Variants in VPS4A observed in about 807,000 individuals in gnomAD.
The protein encoded by VPS4A is vacuolar protein sorting-associated protein 4A.
Under a neutral mutation model 52.3 loss-of-function variants are expected in VPS4A, and 20 were observed. The observed-to-expected ratio is 0.38, with a 90% CI of 0.27 to 0.56. VPS4A has a LOEUF of 0.56. VPS4A is among the 20% of genes least tolerant of loss of function. VPS4A has a pLI of 0.72. For synonymous variants in VPS4A, 293 were observed against 227.7 expected, an observed-to-expected ratio of 1.29 and a Z score of -2.58; for missense variants, 419 against 575.9, an observed-to-expected ratio of 0.73 and a Z score of 2.79.
At chr16:69,316,545 G>A (rs544352559) in intron 3 of VPS4A, among the ~76,000 whole-genome samples, 173 bp downstream of exon 3, 4 of 152,238 alleles carry the variant, frequency 2.6e-5, no homozygotes, top group East Asian at 3.9e-4. Flanking sequence ...CATGTTCACC[G>A]TCTCATTGGA....
rs1227383467 is a variant in VPS4A at position 69,311,464 on chromosome 16, G to A, written c.-48G>A. Reference sequence around the variant, plus strand: ...TACCTCGGCTCCCCGGGGCCGGACCGAGGCCGCAAGCAGCGCCGCGGGGTG... The same window carrying A: ...TACCTCGGCTCCCCGGGGCCGGACCAAGGCCGCAAGCAGCGCCGCGGGGTG... On this transcript the variant is annotated 5_prime_UTR_variant, in exon 1 of 11. Transcript: ENST00000254950. 1 of 1,283,916 alleles carries A rather than the reference G, an allele frequency of 7.8e-7. No homozygotes were observed. The highest frequency in any genetic ancestry group is 1.0e-6 in the Non-Finnish European group (1 of 1,004,780). The allele number at this position is 1,283,916 out of a possible 1,614,324, so 79.5% of individuals were successfully genotyped here. A position where few individuals can be genotyped will look rare whatever the true frequency, so the allele number is the denominator to read the frequency against.
chr16:69,320,822 A>G lies in VPS4A; in HGVS notation c.851+53A>G. On this transcript the variant is annotated intron_variant, in intron 8 of 10. Coordinates refer to ENST00000254950, the MANE Select transcript of VPS4A (RefSeq NM_013245.3). This position sits in a 1 kb window ranked among gnomAD's most constrained non-coding sequence, Gnocchi z 4.2. Reference sequence around the variant, plus strand: ...CTGGAGGCTTCCTCCCACCATGGTCACGGTCCGCCTGCTGCTGGCAGCCCG... The same window carrying G: ...CTGGAGGCTTCCTCCCACCATGGTCGCGGTCCGCCTGCTGCTGGCAGCCCG... The G allele has an allele frequency of 6.5e-7, 1 of 1,536,002 alleles. No individual in the cohort carries two copies. Among genetic ancestry groups the G allele is most frequent in the Non-Finnish European group, 8.9e-7 (1 of 1,129,616 alleles).
chr16:69,315,077 T>TA (rs1250607926), intron 1 of VPS4A, among the ~76,000 whole-genome samples: 7 of 151,960 alleles, frequency 4.6e-5, no homozygotes, highest in Admixed American at 3.9e-4. Flanking sequence ...GCACTAAAAA[T>TA]ACAAAAATTA....
rs562638275 is a variant in VPS4A, at chr16:69,321,533, G to A, written c.1071+263G>A. On this transcript the variant is annotated intron_variant, in intron 9 of 10. Coordinates refer to ENST00000254950, the MANE Select transcript of VPS4A (RefSeq NM_013245.3). The surrounding 1 kb of genome is among the most constrained non-coding windows in gnomAD (Gnocchi z 4.5). ...TCTTAACCCTGCTGCGGCCTCCTCC[G>A]TCAGCACTGTGTGCTCTTGTGCGGG... 1.6e-5 allele frequency: 8 copies of A among 513,114 alleles called. No individual in the cohort carries two copies. The highest frequency in any genetic ancestry group is 3.8e-5 in the African/African-American group (2 of 52,256). The allele number at this position is 513,114 out of a possible 1,614,324, so 31.8% of individuals were successfully genotyped here.
chr16:69,312,184 G>GT lies in VPS4A; in HGVS notation c.21+663dup, dbSNP rs66469930. Among the ~76,000 whole-genome samples the GT allele has an allele frequency of 6.2e-4, 93 of 149,694 alleles. 2 individuals carry two copies. The highest frequency in any genetic ancestry group is 3.7e-3 in the Admixed American group (56 of 15,062). On this transcript the variant is annotated intron_variant, in intron 1 of 10. Transcript: ENST00000254950. ...CTCACCAGCAAGTGACCTTGGGCTA[G>GT]TTTTTTTTTTTCATCTTCGGGTCTC...
At position 69,319,873 on chromosome 16, in the gene VPS4A, C is replaced by T. The variant is rs190783704; in HGVS notation, c.621-268C>T. On this transcript the variant is annotated intron_variant, in intron 6 of 10. Transcript: ENST00000254950. ...TGTTTTGCGTGTGATGAGACGGGCT[C>T]GGAAGAAGGGGACTGACGTGTTGTA... is the stretch of plus-strand genomic sequence containing the variant. 9.2e-5 allele frequency among the ~76,000 whole-genome samples: 14 copies of T among 152,218 alleles called. No homozygotes were observed. In the East Asian group the frequency reaches 2.5e-3, roughly 27 times the overall value.
chr16:69,319,891 G>A (rs555320998), intron 6 of VPS4A, among the ~76,000 whole-genome samples: 4 of 152,304 alleles, frequency 2.6e-5, no homozygotes, highest in East Asian at 1.9e-4. Context: ...GGGGACTGAC[G>A]TGTTGTAAGT....
At chr16:69,312,283 G>T (rs1247896259) in intron 1 of VPS4A, among the ~76,000 whole-genome samples, 1 of 152,078 alleles carries the variant, frequency 6.6e-6, no homozygotes, top group Non-Finnish European at 1.5e-5. Context: ...GAATAATTAC[G>T]GTAAAGCATT....
chr16:69,318,211 G>A (rs1368493424), intron 3 of VPS4A, among the ~76,000 whole-genome samples: 2 of 152,114 alleles, frequency 1.3e-5, no homozygotes, highest in African/African-American at 2.4e-5. Context: ...GGGCTCAAGC[G>A]ATCCTCCCGC....
Position 69,321,454 on chromosome 16 carries a change from T to C in VPS4A, c.1071+184T>C, listed in dbSNP as rs1965510748. ...CACTGTCCCCTCCCTGCAGCTCTTC[T>C]GGAGTGTGGCCATCTCAGGGTGTGT... On this transcript the variant is annotated intron_variant, in intron 9 of 10. Coordinates refer to ENST00000254950, the MANE Select transcript of VPS4A (RefSeq NM_013245.3). This position sits in a 1 kb window ranked among gnomAD's most constrained non-coding sequence, Gnocchi z 4.5. The C allele has an allele frequency of 1.5e-6, 1 of 657,458 alleles. No homozygotes were observed. Among genetic ancestry groups the C allele is most frequent in the African/African-American group, 1.8e-5 (1 of 54,972 alleles). The allele number at this position is 657,458 out of a possible 1,614,324, so 40.7% of individuals were successfully genotyped here. A position where few individuals can be genotyped will look rare whatever the true frequency, so the allele number is the denominator to read the frequency against.
rs986196600 is a variant in VPS4A, at chr16:69,320,918, C to G, written c.852-133C>G. The G allele has an allele frequency of 9.7e-6, 12 of 1,234,962 alleles. No individual in the cohort carries two copies. In the East Asian group the frequency reaches 2.8e-4, roughly 29 times the overall value. The allele number at this position is 1,234,962 out of a possible 1,614,324, so 76.5% of individuals were successfully genotyped here. The stretch of plus-strand genomic sequence containing the variant: ...CAAGCAGAGCCCTTTGTGAGGCTGG[C>G]TTGTTGAGGATGTGCCGCCAGCATC... On this transcript the variant is annotated intron_variant, in intron 8 of 10. Coordinates refer to ENST00000254950, the MANE Select transcript of VPS4A (RefSeq NM_013245.3). The surrounding 1 kb of genome is among the most constrained non-coding windows in gnomAD (Gnocchi z 4.2).
chr16:69,315,517 G>T (rs534775394), intron 1 of VPS4A, among the ~76,000 whole-genome samples: 13 of 152,350 alleles, frequency 8.5e-5, no homozygotes, highest in Admixed American at 5.9e-4. Context: ...AGGCCTTTCA[G>T]TGTATCCTGT....
chr16:69,320,118 C>T lies in VPS4A; in HGVS notation c.621-23C>T, dbSNP rs754552383. Reference sequence around the variant, plus strand: ...GGCACGGACGTGAACGTCTTGTCCTCACCCCCTTTCTCACCTTCACAGGCT... The same window carrying T: ...GGCACGGACGTGAACGTCTTGTCCTTACCCCCTTTCTCACCTTCACAGGCT... On this transcript the variant is annotated intron_variant, in intron 6 of 10. Transcript: ENST00000254950. This position sits in a 1 kb window ranked among gnomAD's most constrained non-coding sequence, Gnocchi z 4.2. The T allele has an allele frequency of 4.3e-5, 69 of 1,607,408 alleles. No individual in the cohort carries two copies. The highest frequency in any genetic ancestry group is 5.9e-5 in the Non-Finnish European group (69 of 1,174,874).
chr16:69,316,578 G>GA (rs1052354668), intron 3 of VPS4A, among the ~76,000 whole-genome samples: 5 of 152,206 alleles, frequency 3.3e-5, no homozygotes, highest in Non-Finnish European at 2.9e-5. Flanking sequence ...GCCATGGGGA[G>GA]AGGGGGAGCT....
In VPS4A at chr16:69,321,125, G is replaced by A. The variant is rs377128919; in HGVS notation, c.926G>A (p.Ser309Asn). 8 of 1,594,050 alleles carry A rather than the reference G, an allele frequency of 5.0e-6. No individual in the cohort carries two copies. In the African/African-American group the frequency reaches 1.1e-4, roughly 21 times the overall value. The change falls in exon 9 of 11, where the codon AGC (serine) becomes AAC (asparagine). Residue 309 changes from serine (S) to asparagine (N), a missense_variant. Around this residue, in one of 3 missense-constraint regions of VPS4A, gnomAD observed 185 missense variants for 200.2 expected, o/e 0.92. Coordinates refer to ENST00000254950, the MANE Select transcript of VPS4A (RefSeq NM_013245.3). This position sits in a 1 kb window ranked among gnomAD's most constrained non-coding sequence, Gnocchi z 4.5. ...RAQMFRLHLG[S>N]TPHNLTDANI... is the part of the protein sequence containing the mutation. ...CAGATGTTCCGGTTGCATCTCGGGA[G>A]CACTCCCCACAACCTCACGGATGCA...
rs369857659 is a variant in VPS4A, at chr16:69,316,147, G to A, written c.133+28G>A. ...GAGTCACACGAGGGGTCCTCAGGCTGCCGCACTCCAGAGGGGAGCGGAGGA... is the reference window on the plus strand; with the variant it reads ...GAGTCACACGAGGGGTCCTCAGGCTACCGCACTCCAGAGGGGAGCGGAGGA... On this transcript the variant is annotated intron_variant, in intron 2 of 10. Coordinates refer to ENST00000254950, the MANE Select transcript of VPS4A (RefSeq NM_013245.3). The A allele has an allele frequency of 3.5e-5, 56 of 1,612,786 alleles. No homozygotes were observed. The African/African-American group carries it at 6.4e-4, about 18-fold the overall frequency.
Position 69,318,906 on chromosome 16 carries a change from G to A in VPS4A, c.427G>A (p.Val143Ile). 1 of 1,613,728 alleles carries A rather than the reference G, an allele frequency of 6.2e-7. No individual in the cohort carries two copies. The highest frequency in any genetic ancestry group is 8.5e-7 in the Non-Finnish European group (1 of 1,179,818). ...EGAKEALKEA[V>I]ILPIKFPHLF... Reference sequence around the variant, plus strand: ...GGCCAAGGAGGCCCTCAAAGAAGCTGTCATTTTGCCAATCAAATTCCCACA... The same window carrying A: ...GGCCAAGGAGGCCCTCAAAGAAGCTATCATTTTGCCAATCAAATTCCCACA... Residue 143 changes from valine to isoleucine, a missense_variant, in exon 5 of 11, where the codon GTC becomes ATC. Val to Ile is a conservative substitution (Grantham distance 29). Transcript: ENST00000254950.
chr16:69,324,092 G>C lies in VPS4A; in HGVS notation c.1213-116G>C, dbSNP rs1048967763. 39 of 965,894 alleles carry C rather than the reference G, an allele frequency of 4.0e-5. No homozygotes were observed. The South Asian group carries it at 5.6e-4, about 14-fold the overall frequency. 59.8% of individuals were successfully genotyped at this position (965,894 alleles called of 1,614,324 possible). On this transcript the variant is annotated intron_variant, in intron 10 of 10. Coordinates refer to ENST00000254950, the MANE Select transcript of VPS4A (RefSeq NM_013245.3). ...CATAGGCAGATTCAAGCAGGCCTCT[G>C]GGGTGGCCTTGAAGGCAAACCTCTT...
chr16:69,326,869 T>C lies in VPS4A; in HGVS notation c.*2560T>C, dbSNP rs1178389958. The stretch of plus-strand genomic sequence containing the variant: ...CAACGTTGACATGTATATGCGTTTT[T>C]TGTGAGTGCTTCCTGCTCAAAGTGG... On this transcript the variant is annotated 3_prime_UTR_variant, in exon 11 of 11. Transcript: ENST00000254950. The C allele has an allele frequency of 6.6e-6, 1 of 152,216 alleles. No homozygotes were observed. The highest frequency in any genetic ancestry group is 2.4e-5 in the African/African-American group (1 of 41,454). The allele number at this position is 152,216 out of a possible 1,614,324, so 9.4% of individuals were successfully genotyped here. A position where few individuals can be genotyped will look rare whatever the true frequency, so the allele number is the denominator to read the frequency against.
Sources: allele counts gnomAD v4.1 joint callset (sites outside exome capture counted in the v4.1 genomes callset), GRCh38; gene constraint gnomAD v4.1.1; regional missense constraint gnomAD v4.1.1; non-coding constraint Gnocchi (gnomAD v3.1); transcripts MANE v1.5; gene names NCBI Gene and HGNC (gene_info 2026-07-23, HGNC 2026-07-21).